Variants in FAM76B observed in about 807,000 individuals in gnomAD.
The protein encoded by FAM76B is family with sequence similarity 76 member B, also known as protein FAM76B.
FAM76B carries 16 observed loss-of-function variants against 51.8 expected under a neutral mutation model. The observed-to-expected ratio is 0.31, with a 90% confidence interval of 0.21 to 0.47. The LOEUF is 0.47. FAM76B is among the 20% of genes least tolerant of loss of function. FAM76B has a pLI of 1.00. For synonymous variants in FAM76B, 166 were observed against 129.5 expected, an observed-to-expected ratio of 1.28 and a Z score of -1.91; for missense variants, 342 against 392.6, an observed-to-expected ratio of 0.87 and a Z score of 1.09.
At position 95,789,424 on chromosome 11, in the gene FAM76B, C is replaced by G; in HGVS notation, c.55G>C (p.Glu19Gln). Residue 19 changes from glutamate to glutamine, a missense_variant, in exon 1 of 10, where the codon GAG becomes CAG. Physicochemically the swap from Glu to Gln is conservative, Grantham distance 29. This residue lies in a region of FAM76B where 96 missense variants were observed against 94.7 expected (regional missense o/e 1.01). Coordinates refer to ENST00000358780, the MANE Select transcript of FAM76B (RefSeq NM_144664.5). ...AGCTGCTGGCCCTGGGAGAGCTCCT[C>G]GAAAGGATAACGCTGGGTACACTTG... is the stretch of plus-strand genomic sequence containing the variant. ...CTKCTQRYPFEELSQGQQLCK... is the reference protein window; with the variant it reads ...CTKCTQRYPFQELSQGQQLCK... The G allele has an allele frequency of 6.2e-7, 1 of 1,608,738 alleles. No individual in the cohort carries two copies. Among genetic ancestry groups the G allele is most frequent in the Non-Finnish European group, 8.5e-7 (1 of 1,177,760 alleles).
At position 95,789,653 on chromosome 11, in the gene FAM76B, C is replaced by T; in HGVS notation, c.-175G>A. The T allele has an allele frequency of 1.9e-6, 1 of 530,668 alleles. No individual in the cohort carries two copies. The highest frequency in any genetic ancestry group is 4.0e-5 in the Admixed American group (1 of 24,808). 32.9% of individuals were successfully genotyped at this position (530,668 alleles called of 1,614,324 possible). On this transcript the variant is annotated 5_prime_UTR_variant, in exon 1 of 10. Coordinates refer to ENST00000358780, the MANE Select transcript of FAM76B (RefSeq NM_144664.5). ...GGCCCCGCGGACGACGCCACCGTCT[C>T]CCTCCGCCTCCACTTCCGCCCCAGC...
intron 1 of FAM76B, chr11:95,788,883 C>G: frequency 7.3e-7 from 1 of 1,367,282 alleles, no homozygotes; most frequent in Non-Finnish European, 9.6e-7. Flanking sequence ...AGCATCCAGG[C>G]TTTAATGGGA....
At position 95,789,467 on chromosome 11, in the gene FAM76B, C is replaced by G; in HGVS notation, c.12G>C (p.Ser4=). 1.9e-6 allele frequency: 3 copies of G among 1,606,660 alleles called. No individual in the cohort carries two copies. Among genetic ancestry groups the G allele is most frequent in the South Asian group, 1.1e-5 (1 of 89,814 alleles). The change falls in exon 1 of 10, where the codon TCG becomes TCC. Residue 4 remains serine (S), a synonymous_variant. Transcript: ENST00000358780. The part of the protein sequence containing the change: MAA[S]ALYACTKCTQ... ...TACACTTGGTGCAGGCGTACAGGGC[C>G]GAGGCCGCCATCCTGCTCCTCAGTC...
At chr11:95,778,686 C>T in intron 8 of FAM76B, 136 bp downstream of exon 8, 3 of 1,119,104 alleles carry the variant, frequency 2.7e-6, no homozygotes, top group Non-Finnish European at 3.6e-6. Context: ...GCTTCAGGGG[C>T]TTTTGTAATT....
At position 95,788,457 on chromosome 11, in the gene FAM76B, A is replaced by G. The variant is rs376585841; in HGVS notation, c.152+42T>C. 7 of 1,457,334 alleles carry G rather than the reference A, an allele frequency of 4.8e-6. No homozygotes were observed. The African/African-American group carries it at 8.5e-5, about 18-fold the overall frequency. 90.3% of individuals were successfully genotyped at this position (1,457,334 alleles called of 1,614,324 possible). ...CAACCCCCAAGTATTCCATAAAGACAACACTTGTCTTTAACAGTCAAAAAC... is the reference window on the plus strand; with the variant it reads ...CAACCCCCAAGTATTCCATAAAGACGACACTTGTCTTTAACAGTCAAAAAC... On this transcript the variant is annotated intron_variant, in intron 2 of 9. Transcript: ENST00000358780.
Position 95,770,587 on chromosome 11 carries a change from G to A in FAM76B, c.*974C>T, listed in dbSNP as rs1859723622. 1 of 151,482 alleles carries A rather than the reference G, an allele frequency of 6.6e-6. No individual in the cohort carries two copies. The highest frequency in any genetic ancestry group is 1.5e-5 in the Non-Finnish European group (1 of 67,372). 9.4% of individuals were successfully genotyped at this position (151,482 alleles called of 1,614,324 possible). ...AAAAAATAAAATTACTCTTTAAGAA[G>A]CAACTTAAAATTAAATCTTTGGGGA... On this transcript the variant is annotated 3_prime_UTR_variant, in exon 10 of 10. Transcript: ENST00000358780.
chr11:95,786,550 TA>T (rs1860599585), intron 3 of FAM76B: 3 of 264,490 alleles, frequency 1.1e-5, no homozygotes, highest in Non-Finnish European at 2.1e-5. Context: ...AAACTACACA[TA>T]AAAAAGGTTT....
rs1859662137 is a variant in FAM76B at position 95,769,104 on chromosome 11, A to C, written c.*2457T>G. 1 of 152,386 alleles carries C rather than the reference A, an allele frequency of 6.6e-6. No individual in the cohort carries two copies. The highest frequency in any genetic ancestry group is 2.1e-4 in the South Asian group (1 of 4,824). 9.4% of individuals were successfully genotyped at this position (152,386 alleles called of 1,614,324 possible). ...CAGAATGCATATTTAGACCAATATA[A>C]TCTAAAAAGGACTGCAATATTCACA... On this transcript the variant is annotated 3_prime_UTR_variant, in exon 10 of 10. Coordinates refer to ENST00000358780, the MANE Select transcript of FAM76B (RefSeq NM_144664.5).
At chr11:95,788,620 T>G (rs191453197) in intron 1 of FAM76B, 57 bp from the exon 2 acceptor site, 3 of 1,537,634 alleles carry the variant, frequency 2.0e-6, no homozygotes, top group African/African-American at 2.7e-5. Context: ...ATCTCACTTT[T>G]CTGGTAGAAA....
chr11:95,788,540 A>G lies in FAM76B; in HGVS notation c.111T>C (p.Ile37=). Residue 37 remains isoleucine, a synonymous_variant, in exon 2 of 10, where the codon ATT becomes ATC. Transcript: ENST00000358780. ...CTGATCTGCAGTAAGTACATTTTAC[A>G]ATAGGATGTGCAATCCGACATTCCT... The part of the protein sequence containing the change: ...LCKECRIAHP[I]VKCTYCRSEF... 1 of 1,612,942 alleles carries G rather than the reference A, an allele frequency of 6.2e-7. No individual in the cohort carries two copies. Among genetic ancestry groups the G allele is most frequent in the Middle Eastern group, 1.7e-4 (1 of 6,058 alleles).
chr11:95,782,422 T>C (rs923828687), intron 5 of FAM76B, among the ~76,000 whole-genome samples: 1 of 152,140 alleles, frequency 6.6e-6, no homozygotes, highest in African/African-American at 2.4e-5. Context: ...CAGGGTCAAT[T>C]GCAGAACTGG....
intron 3 of FAM76B, 87 bp from the exon 4 acceptor site, chr11:95,786,361 A>T (rs1860588404): frequency 6.9e-7 from 1 of 1,440,212 alleles, no homozygotes; most frequent in Admixed American, 2.4e-5. Flanking sequence ...ATATTTCTGG[A>T]ATTAAGAAAA....
In FAM76B at chr11:95,783,117, G is replaced by C. The variant is rs761501827; in HGVS notation, c.511C>G (p.His171Asp). 1.2e-6 allele frequency: 2 copies of C among 1,613,012 alleles called. No individual in the cohort carries two copies. The highest frequency in any genetic ancestry group is 8.5e-7 in the Non-Finnish European group (1 of 1,179,260). ...TGATGGTGATGATGGTGGTGATGAT[G>C]TTTTGGATGATGCTGGTCTTTCTCA... ...LTEKDQHHPK[H>D]HHHHHHHHHR... Residue 171 changes from histidine (H) to aspartate (D), a missense_variant, in exon 5 of 10, where the codon CAT (histidine) becomes GAT (aspartate). This residue lies in a region of FAM76B where 230 missense variants were observed against 257.4 expected (regional missense o/e 0.89). Transcript: ENST00000358780.
chr11:95,784,564 GTA>G (rs1482075092), intron 4 of FAM76B, among the ~76,000 whole-genome samples: 2 of 144,452 alleles, frequency 1.4e-5, no homozygotes, highest in Non-Finnish European at 3.0e-5. Context: ...GTGTGTGTGT[GTA>G]TATATACACA....
intron 5 of FAM76B, among the ~76,000 whole-genome samples, chr11:95,780,400 T>C (rs2120238499): frequency 6.6e-6 from 1 of 152,106 alleles, no homozygotes; most frequent in African/African-American, 2.4e-5. Flanking sequence ...TCTTTGATTC[T>C]TTCCTAGTTT....
chr11:95,772,838 A>G (rs1310659171), intron 9 of FAM76B, among the ~76,000 whole-genome samples: 1 of 151,060 alleles, frequency 6.6e-6, no homozygotes, highest in Non-Finnish European at 1.5e-5. Flanking sequence ...CACTCTTGCT[A>G]ATTAACACCC....
At position 95,771,646 on chromosome 11, in the gene FAM76B, T is replaced by C. The variant is rs780571127; in HGVS notation, c.935A>G (p.Lys312Arg). ...HKETVEQLQA[K>R]NRELLKQVAA... Reference sequence around the variant, plus strand: ...GACCTGTTTGAGTAGTTCTCTGTTTTTGGCCTGTGGGAGACAAAAACATTC... The same window carrying C: ...GACCTGTTTGAGTAGTTCTCTGTTTCTGGCCTGTGGGAGACAAAAACATTC... Residue 312 changes from lysine to arginine, a missense_variant, in exon 10 of 10, where the codon AAA (lysine) becomes AGA (arginine). This residue lies in a region of FAM76B where 230 missense variants were observed against 257.4 expected (regional missense o/e 0.89). Coordinates refer to ENST00000358780, the MANE Select transcript of FAM76B (RefSeq NM_144664.5). 1.0e-5 allele frequency: 16 copies of C among 1,605,412 alleles called. No homozygotes were observed. In the Admixed American group the frequency reaches 1.3e-4, roughly 13 times the overall value.
In FAM76B at chr11:95,770,560, A is replaced by G. The variant is rs890432267; in HGVS notation, c.*1001T>C. ...CAATACTAATATGAAGCCACATGAC[A>G]TAAAAAATAAAATTACTCTTTAAGA... is the stretch of plus-strand genomic sequence containing the variant. On this transcript the variant is annotated 3_prime_UTR_variant, in exon 10 of 10. Coordinates refer to ENST00000358780, the MANE Select transcript of FAM76B (RefSeq NM_144664.5). The G allele has an allele frequency of 6.6e-6, 1 of 151,850 alleles. No homozygotes were observed. Among genetic ancestry groups the G allele is most frequent in the Non-Finnish European group, 1.5e-5 (1 of 67,524 alleles). 9.4% of individuals were successfully genotyped at this position (151,850 alleles called of 1,614,324 possible).
Position 95,770,256 on chromosome 11 carries a change from C to G in FAM76B, c.*1305G>C, listed in dbSNP as rs1859710241. ...ATAACTTCATATAACCTATCCCACC[C>G]TACCTTAACCTTTTATAGACAATTT... is the stretch of plus-strand genomic sequence containing the variant. On this transcript the variant is annotated 3_prime_UTR_variant, in exon 10 of 10. Transcript: ENST00000358780. 1 of 151,814 alleles carries G rather than the reference C, an allele frequency of 6.6e-6. No homozygotes were observed. The highest frequency in any genetic ancestry group is 2.4e-5 in the African/African-American group (1 of 41,328). The allele number at this position is 151,814 out of a possible 1,614,324, so 9.4% of individuals were successfully genotyped here.
Sources: allele counts gnomAD v4.1 joint callset (sites outside exome capture counted in the v4.1 genomes callset), GRCh38; gene constraint gnomAD v4.1.1; regional missense constraint gnomAD v4.1.1; transcripts MANE v1.5; gene names NCBI Gene and HGNC (gene_info 2026-07-23, HGNC 2026-07-21).